The following HEATR5B variants were observed in gnomAD, a reference collection of about 807,000 sequenced individuals.
HEATR5B encodes HEAT repeat containing 5B.
Under a neutral mutation model 224.1 loss-of-function variants are expected in HEATR5B, and 156 were observed. The ratio of observed to expected loss-of-function variants is 0.70; its 90% CI spans 0.61 to 0.80. The LOEUF (loss-of-function observed/expected upper bound fraction) is 0.80, where lower values mean the gene tolerates loss of function less well. Ranked by LOEUF, HEATR5B falls within the 30% of genes least tolerant of loss-of-function variation. The pLI, the probability that HEATR5B is intolerant of heterozygous loss-of-function variation, is 0.00. For synonymous variants in HEATR5B, 1,027 were observed against 893.0 expected, an observed-to-expected ratio of 1.15 and a Z score of -2.68; for missense variants, 2,323 against 2,535.5, an observed-to-expected ratio of 0.92 and a Z score of 1.80.
chr2:37,060,918 C>T (rs1439454612), intron 11 of HEATR5B, among the ~76,000 whole-genome samples, 185 bp from the exon 12 acceptor site: 2 of 152,078 alleles, frequency 1.3e-5, no homozygotes, highest in Admixed American at 6.6e-5. Flanking sequence ...TTATTTTCAA[C>T]CTTTATTCAC....
At chr2:37,076,806 A>C in intron 4 of HEATR5B, 105 bp downstream of exon 4, 1 of 771,960 alleles carries the variant, frequency 1.3e-6, no homozygotes, top group Non-Finnish European at 2.2e-6. Flanking sequence ...CTCCTTGCTA[A>C]GCAATATGAG....
chr2:36,990,815 G>A lies in HEATR5B; in HGVS notation c.5546-16C>T, dbSNP rs754008611. On this transcript the variant is annotated splice_polypyrimidine_tract_variant and intron_variant, in intron 33 of 35. Transcript: ENST00000233099. ...ACAGAGTCTTCTGAAAATGAAAAAT[G>A]AAAGAAGTGTGCTGTTTCTAAAACA... The A allele has an allele frequency of 6.1e-5, 94 of 1,536,742 alleles. No homozygotes were observed. The highest frequency in any genetic ancestry group is 7.8e-5 in the Non-Finnish European group (89 of 1,140,002).
At chr2:37,037,726 G>A (rs1302289077) in intron 21 of HEATR5B, 129 bp downstream of exon 21, 1 of 469,234 alleles carries the variant, frequency 2.1e-6, no homozygotes, top group Non-Finnish European at 3.7e-6. Context: ...ATTATATACT[G>A]TAGGCTTGCA....
chr2:36,995,106 C>CTTTTTTTTTTTTTAA (rs1666608360), intron 33 of HEATR5B, among the ~76,000 whole-genome samples: 1 of 53,668 alleles, frequency 1.9e-5, no homozygotes, highest in African/African-American at 2.1e-4. Context: ...TTTTTTTTTC[C>CTTTTTTTTTTTTTAA]TGAGATGGAG....
At position 37,007,187 on chromosome 2, in the gene HEATR5B, G is replaced by A; in HGVS notation, c.4640C>T (p.Ser1547Leu). The A allele has an allele frequency of 6.2e-7, 1 of 1,614,076 alleles. No homozygotes were observed. Among genetic ancestry groups the A allele is most frequent in the Non-Finnish European group, 8.5e-7 (1 of 1,180,012 alleles). ...LWLNSTGFTC[S>L]ESTEAAAISG... ...TATTGCTGCTGCTTCTGTAGACTCT[G>A]AGCACGTAAATCCTGTGCTATTTAA... Residue 1547 changes from serine to leucine, a missense_variant, in exon 29 of 36, where the codon TCA (serine) becomes TTA (leucine). Physicochemically the swap from Ser to Leu is moderately radical, Grantham distance 145. Transcript: ENST00000233099.
intron 24 of HEATR5B, among the ~76,000 whole-genome samples, chr2:37,023,127 A>G (rs187832370): frequency 1.3e-5 from 2 of 152,142 alleles, no homozygotes; most frequent in African/African-American, 4.8e-5. Flanking sequence ...GGTAGAAAAA[A>G]ATCACAAAGG....
chr2:37,009,019 G>A (rs573524623), intron 27 of HEATR5B, among the ~76,000 whole-genome samples, 171 bp from the exon 28 acceptor site: 10 of 151,864 alleles, frequency 6.6e-5, no homozygotes, highest in African/African-American at 2.2e-4. Context: ...CAGGACTTTG[G>A]GAGGCCAAGG....
Position 37,007,323 on chromosome 2 carries a change from A to T in HEATR5B, c.4523-19T>A. 6.4e-7 allele frequency: 1 copy of T among 1,565,384 alleles called. No homozygotes were observed. Among genetic ancestry groups the T allele is most frequent in the Non-Finnish European group, 8.6e-7 (1 of 1,161,498 alleles). ...GCTCCACCTGTAAAGCAATCAAATC[A>T]ATTAAAAACATTACTTTTTTTTTTT... On this transcript the variant is annotated intron_variant, in intron 28 of 35. Coordinates refer to ENST00000233099, the MANE Select transcript of HEATR5B (RefSeq NM_019024.3).
intron 28 of HEATR5B, 47 bp downstream of exon 28, chr2:37,008,561 AACT>A: frequency 7.9e-7 from 1 of 1,263,064 alleles, no homozygotes; most frequent in South Asian, 1.2e-5. Context: ...TATTTTGTTT[AACT>A]ACTACTTTGA....
At position 37,064,913 on chromosome 2, in the gene HEATR5B, A is replaced by T; in HGVS notation, c.1411T>A (p.Cys471Ser). ...ARLAAAWCLR[C>S]VAVALPFQLT... is the part of the protein sequence containing the mutation. The stretch of plus-strand genomic sequence containing the variant: ...TGGAAAGGTAATGCCACAGCCACAC[A>T]GCGCAAACACCATGCAGCAGCAAGT... The change falls in exon 10 of 36, where the codon TGT becomes AGT. Residue 471 changes from cysteine to serine, a missense_variant. Transcript: ENST00000233099. 1 of 1,614,178 alleles carries T rather than the reference A, an allele frequency of 6.2e-7. No individual in the cohort carries two copies.
At chr2:37,032,139 T>G (rs1192735468) in intron 22 of HEATR5B, among the ~76,000 whole-genome samples, 1 of 152,188 alleles carries the variant, frequency 6.6e-6, no homozygotes, top group Non-Finnish European at 1.5e-5. Context: ...AACCTTCAAG[T>G]GCCCCTGAAA....
intron 21 of HEATR5B, among the ~76,000 whole-genome samples, chr2:37,037,155 T>TATATATATATATATATATATATATATAC (rs1243537262): frequency 7.3e-6 from 1 of 136,864 alleles, no homozygotes; most frequent in African/African-American, 2.7e-5. Flanking sequence ...GATATATATA[T>TATATATATATATATATATATATATATAC]ATATTTTGGA....
intron 6 of HEATR5B, 119 bp from the exon 7 acceptor site, chr2:37,070,506 T>C (rs984871932): frequency 1.7e-5 from 13 of 747,470 alleles, no homozygotes; most frequent in Admixed American, 3.1e-5. Flanking sequence ...TTAGTTTCCT[T>C]ATAATTGTTT....
intron 18 of HEATR5B, among the ~76,000 whole-genome samples, chr2:37,044,293 C>G (rs1157891266): frequency 6.6e-6 from 1 of 152,162 alleles, no homozygotes; most frequent in Non-Finnish European, 1.5e-5. Flanking sequence ...CCCCCAACAT[C>G]CTGGCAACCA....
Position 37,031,300 on chromosome 2 carries a change from T to C in HEATR5B, c.3361+1329A>G, listed in dbSNP as rs148566154. 1.7e-4 allele frequency among the ~76,000 whole-genome samples: 26 copies of C among 152,274 alleles called. No homozygotes were observed. In the East Asian group the frequency reaches 3.7e-3, roughly 22 times the overall value. On this transcript the variant is annotated intron_variant, in intron 22 of 35. Coordinates refer to ENST00000233099, the MANE Select transcript of HEATR5B (RefSeq NM_019024.3). ...GGGGTGATCTTGGGGACTCCAAACA[T>C]ACTCATTTGTAAAAGCTTTAAACAC...
At chr2:37,017,275 C>T (rs1030608843) in intron 26 of HEATR5B, among the ~76,000 whole-genome samples, 3 of 152,056 alleles carry the variant, frequency 2.0e-5, no homozygotes, top group Admixed American at 6.6e-5. Context: ...ATCCCAGATA[C>T]TTGGAAGGCT....
chr2:37,066,318 C>T (rs1306008918), intron 8 of HEATR5B, among the ~76,000 whole-genome samples: 2 of 152,258 alleles, frequency 1.3e-5, no homozygotes, highest in South Asian at 2.1e-4. Flanking sequence ...GGCTTACATG[C>T]CTATTTCAAA....
chr2:37,064,526 G>A (rs1305430285), intron 10 of HEATR5B, among the ~76,000 whole-genome samples: 3 of 151,700 alleles, frequency 2.0e-5, no homozygotes, highest in Non-Finnish European at 4.4e-5. Context: ...ATTATAACAT[G>A]TTACTAGACT....
intron 18 of HEATR5B, among the ~76,000 whole-genome samples, chr2:37,044,273 C>T (rs1039973577): frequency 6.6e-6 from 1 of 152,162 alleles, no homozygotes; most frequent in African/African-American, 2.4e-5. Context: ...CCTTTGTTGT[C>T]ATATTCCTTC....
Sources: allele counts gnomAD v4.1 joint callset (sites outside exome capture counted in the v4.1 genomes callset), GRCh38; gene constraint gnomAD v4.1.1; transcripts MANE v1.5; gene names NCBI Gene and HGNC (gene_info 2026-07-23, HGNC 2026-07-21).